Variants in LPAR4 observed in about 807,000 individuals in gnomAD.
The protein encoded by LPAR4 is lysophosphatidic acid receptor 4, also known as G-protein coupled receptor 23.
A neutral mutation model predicts 9.2 loss-of-function variants in LPAR4; 14 were observed. The observed-to-expected ratio is 1.51, with a 90% CI of 1.00 to 2.37. The LOEUF (loss-of-function observed/expected upper bound fraction) is 2.37. LPAR4 is among the 30% of genes most tolerant of loss of function. The pLI is 0.00. For synonymous variants in LPAR4, 131 were observed against 97.9 expected (o/e 1.34, Z -1.99); for missense variants, 251 against 272.1 (o/e 0.92, Z 0.55).
intron 4 of LPAR4, among the ~76,000 whole-genome samples, chrX:78,753,210 C>G (rs142575780): frequency 0.017 from 1,952 of 111,996 alleles, 72 homozygotes; most frequent in Admixed American, 0.11. Context: ...ATTTTTCCTT[C>G]TTCATTTCAT....
Position 78,755,530 on chromosome X carries a change from G to A in LPAR4, c.661G>A (p.Val221Ile). The A allele has an allele frequency of 8.3e-6, 10 of 1,207,021 alleles. No individual in the cohort carries two copies. The highest frequency in any genetic ancestry group is 1.1e-5 in the Non-Finnish European group (10 of 891,609). Residue 221 changes from valine (V) to isoleucine (I), a missense_variant, in exon 5 of 5, where the codon GTC becomes ATC. By Grantham distance (29) the Val-to-Ile change is conservative. Coordinates refer to ENST00000614823, the MANE Select transcript of LPAR4 (RefSeq NM_001278000.3). ...GTTTATCATTCCTCTAATATTGAAT[G>A]TCTCTTGCTCTTCTGTGGTGCTGAG... is the stretch of plus-strand genomic sequence containing the variant. The part of the protein sequence containing the change: ...VGFIIPLILN[V>I]SCSSVVLRTL...
chrX:78,754,254 T>C (rs1393291509), intron 4 of LPAR4, among the ~76,000 whole-genome samples: 1 of 111,368 alleles, frequency 9.0e-6, no homozygotes, highest in African/African-American at 3.3e-5. Context: ...ACTGGGGAGA[T>C]CTATTTGAAA....
rs1221015960 is a variant in LPAR4, at chrX:78,751,288, C to T, written c.-103C>T. 1 of 111,019 alleles carries T rather than the reference C, an allele frequency of 9.0e-6. No individual in the cohort carries two copies. Among genetic ancestry groups the T allele is most frequent in the Non-Finnish European group, 1.9e-5 (1 of 52,861 alleles). 9.1% of individuals were successfully genotyped at this position (111,019 alleles called of 1,213,427 possible). On this transcript the variant is annotated 5_prime_UTR_variant, in exon 4 of 5. Transcript: ENST00000614823. ...TTCCAGTCTTAGATAAAATTGGTGC[C>T]AGGATTTGGTTCGAACTAATGTGGT...
Position 78,757,032 on chromosome X carries a change from A to C in LPAR4, c.*1050A>C, listed in dbSNP as rs1408197250. 2 of 121,113 alleles carry C rather than the reference A, an allele frequency of 1.7e-5. No homozygotes were observed. The highest frequency in any genetic ancestry group is 3.8e-5 in the Non-Finnish European group (2 of 52,584). 10.0% of individuals were successfully genotyped at this position (121,113 alleles called of 1,213,427 possible). A position where few individuals can be genotyped will look rare whatever the true frequency, so the allele number is the denominator to read the frequency against. ...TCTTTCTTATCGAATTTTGGAGCCT[A>C]ATATAGCCAGGAGCTGCTGAATTTG... On this transcript the variant is annotated 3_prime_UTR_variant, in exon 5 of 5. Coordinates refer to ENST00000614823, the MANE Select transcript of LPAR4 (RefSeq NM_001278000.3).
chrX:78,750,344 C>T (rs1925004051), intron 2 of LPAR4, 121 bp downstream of exon 2: 1 of 110,994 alleles, frequency 9.0e-6, no homozygotes, highest in Admixed American at 9.6e-5. Flanking sequence ...TTTAGGCTAC[C>T]TCTGTTTAGA....
rs761827580 is a variant in LPAR4, at chrX:78,755,584, C to T, written c.715C>T (p.Gln239Ter). ...TCTTCGCAAGCCTGCTACTCTGTCT[C>T]AAATTGGGACCAATAAGAAAAAAGT... is the stretch of plus-strand genomic sequence containing the variant. ...RTLRKPATLSQIGTNKKKVLK... is the reference protein window; with the variant it reads ...RTLRKPATLS Residue 239 changes from glutamine (Q) to a stop codon, truncating the protein, a stop_gained, in exon 5 of 5, where the codon CAA becomes TAA. Coordinates refer to ENST00000614823, the MANE Select transcript of LPAR4 (RefSeq NM_001278000.3). LOFTEE classifies it high-confidence loss of function. 8.3e-7 allele frequency: 1 copy of T among 1,210,737 alleles called. No homozygotes were observed. Among genetic ancestry groups the T allele is most frequent in the Admixed American group, 2.2e-5 (1 of 45,929 alleles).
In LPAR4 at chrX:78,755,126, T is replaced by C; in HGVS notation, c.257T>C (p.Leu86Ser). 8.3e-7 allele frequency: 1 copy of C among 1,211,265 alleles called. No individual in the cohort carries two copies. The highest frequency in any genetic ancestry group is 1.1e-6 in the Non-Finnish European group (1 of 895,127). ...ATCACCAATCTAGCTGTCTCTGATT[T>C]GCTTTTTGTCTGTACACTACCTTTT... ...IFITNLAVSD[L>S]LFVCTLPFKI... The change falls in exon 5 of 5, where the codon TTG becomes TCG. Residue 86 changes from leucine to serine, a missense_variant. Coordinates refer to ENST00000614823, the MANE Select transcript of LPAR4 (RefSeq NM_001278000.3).
rs1408040509 is a variant in LPAR4, at chrX:78,758,427, A to G, written c.*2445A>G. ...TATGATTATGACACCAAACCATTTA[A>G]TGGGATATTAACTAAGTTGAAATAA... On this transcript the variant is annotated 3_prime_UTR_variant, in exon 5 of 5. Transcript: ENST00000614823. Among the ~76,000 whole-genome samples the G allele has an allele frequency of 1.8e-5, 2 of 111,598 alleles. No individual in the cohort carries two copies. Among genetic ancestry groups the G allele is most frequent in the African/African-American group, 6.5e-5 (2 of 30,834 alleles).
Position 78,755,074 on chromosome X carries a change from A to T in LPAR4, c.205A>T (p.Lys69Ter). 8.3e-7 allele frequency: 1 copy of T among 1,210,232 alleles called. No individual in the cohort carries two copies. The highest frequency in any genetic ancestry group is 1.1e-6 in the Non-Finnish European group (1 of 894,149). ...VSLFVFCFRMKMRSETAIFIT... is the reference protein window; with the variant it reads ...VSLFVFCFRM ...TCTGTTTGTCTTCTGTTTCCGCATG[A>T]AAATGAGAAGTGAGACTGCTATTTT... Residue 69 changes from lysine to a stop codon, truncating the protein, a stop_gained, in exon 5 of 5, where the codon AAA becomes TAA. Transcript: ENST00000614823. LOFTEE classifies it high-confidence loss of function.
At position 78,758,309 on chromosome X, in the gene LPAR4, T is replaced by G. The variant is rs763296814; in HGVS notation, c.*2327T>G. Among the ~76,000 whole-genome samples, 5 of 111,913 alleles carry G rather than the reference T, an allele frequency of 4.5e-5. No individual in the cohort carries two copies. In the South Asian group the frequency reaches 1.8e-3, roughly 41 times the overall value. On this transcript the variant is annotated 3_prime_UTR_variant, in exon 5 of 5. Coordinates refer to ENST00000614823, the MANE Select transcript of LPAR4 (RefSeq NM_001278000.3). ...AATAAAAGCGTGAATAATCTTTTGTTTCTTTCAGTATTCATGTTTTTCCAT... is the reference window on the plus strand; with the variant it reads ...AATAAAAGCGTGAATAATCTTTTGTGTCTTTCAGTATTCATGTTTTTCCAT...
At chrX:78,750,016 A>G (rs1924986863) in intron 1 of LPAR4, among the ~76,000 whole-genome samples, 158 bp from the exon 2 acceptor site, 1 of 111,662 alleles carries the variant, frequency 9.0e-6, no homozygotes, top group African/African-American at 3.2e-5. Flanking sequence ...AGTTATAAAA[A>G]CTTCTGGGTA....
intron 4 of LPAR4, among the ~76,000 whole-genome samples, chrX:78,752,299 A>G (rs1490760993): frequency 8.9e-6 from 1 of 112,078 alleles, no homozygotes; most frequent in African/African-American, 3.2e-5. Flanking sequence ...AAAAACTATT[A>G]TGAAGCATCA....
intron 1 of LPAR4, among the ~76,000 whole-genome samples, chrX:78,748,665 A>G (rs1345057875): frequency 8.9e-6 from 1 of 112,147 alleles, no homozygotes; most frequent in Non-Finnish European, 1.9e-5. Context: ...GAGTTGCTAA[A>G]TACAGTATTT....
intron 3 of LPAR4, among the ~76,000 whole-genome samples, 169 bp downstream of exon 3, chrX:78,750,961 T>TA (rs1049110411): frequency 2.7e-5 from 3 of 111,016 alleles, no homozygotes; most frequent in African/African-American, 6.5e-5. Context: ...TCAATACTAC[T>TA]AAAAAAATAT....
Position 78,754,865 on chromosome X carries a change from A to T in LPAR4, c.-5A>T, listed in dbSNP as rs889926993. ...CAGCCAGCAGGCCTCCTGAAAAAAA[A>T]GTCCATGGGTGACAGAAGATTCATT... On this transcript the variant is annotated 5_prime_UTR_variant, in exon 5 of 5. It adds an upstream start codon to the 5' untranslated region. Coordinates refer to ENST00000614823, the MANE Select transcript of LPAR4 (RefSeq NM_001278000.3). 76 of 1,175,265 alleles carry T rather than the reference A, an allele frequency of 6.5e-5. No homozygotes were observed. Among genetic ancestry groups the T allele is most frequent in the Non-Finnish European group, 7.9e-5 (69 of 878,628 alleles).
chrX:78,756,483 A>G lies in LPAR4; in HGVS notation c.*501A>G, dbSNP rs1925297615. 8.1e-6 allele frequency: 1 copy of G among 123,513 alleles called. No homozygotes were observed. Among genetic ancestry groups the G allele is most frequent in the Non-Finnish European group, 1.9e-5 (1 of 53,616 alleles). The allele number at this position is 123,513 out of a possible 1,213,427, so 10.2% of individuals were successfully genotyped here. A position where few individuals can be genotyped will look rare whatever the true frequency, so the allele number is the denominator to read the frequency against. On this transcript the variant is annotated 3_prime_UTR_variant, in exon 5 of 5. Transcript: ENST00000614823. ...ATAAGAAATGTGTCAAATTTTTAAC[A>G]TTGGTAAAATATGTTATGTGCATTT...
chrX:78,755,428 A>C lies in LPAR4; in HGVS notation c.559A>C (p.Thr187Pro), dbSNP rs1234231073. Residue 187 changes from threonine (T) to proline (P), a missense_variant, in exon 5 of 5, where the codon ACC (threonine) becomes CCC (proline). By Grantham distance (38) the Thr-to-Pro change is conservative. Transcript: ENST00000614823. ...STTNVNNATTTCFEGFSKRVW... is the reference protein window; with the variant it reads ...STTNVNNATTPCFEGFSKRVW... ...CACTAATGTCAACAATGCAACCACC[A>C]CCTGCTTTGAAGGCTTCTCCAAACG... 1 of 1,208,482 alleles carries C rather than the reference A, an allele frequency of 8.3e-7. No individual in the cohort carries two copies. The highest frequency in any genetic ancestry group is 2.2e-5 in the Admixed American group (1 of 45,835).
In LPAR4 at chrX:78,757,784, A is replaced by T. The variant is rs1158568796; in HGVS notation, c.*1802A>T. On this transcript the variant is annotated 3_prime_UTR_variant, in exon 5 of 5. Transcript: ENST00000614823. ...AAATGTGCATTAATCAATTTTTAAA[A>T]TATTTGGATAACATGGCAATTTAAA... is the stretch of plus-strand genomic sequence containing the variant. Among the ~76,000 whole-genome samples the T allele has an allele frequency of 8.9e-6, 1 of 112,058 alleles. No individual in the cohort carries two copies. The highest frequency in any genetic ancestry group is 3.2e-5 in the African/African-American group (1 of 30,923).
At position 78,755,171 on chromosome X, in the gene LPAR4, A is replaced by G; in HGVS notation, c.302A>G (p.Asn101Ser). 7 of 1,209,931 alleles carry G rather than the reference A, an allele frequency of 5.8e-6. No homozygotes were observed. The highest frequency in any genetic ancestry group is 1.8e-5 in the South Asian group (1 of 56,928). Reference sequence around the variant, plus strand: ...CCTTTTAAAATATTTTACAACTTCAACCGCCACTGGCCTTTTGGTGACACC... The same window carrying G: ...CCTTTTAAAATATTTTACAACTTCAGCCGCCACTGGCCTTTTGGTGACACC... ...TLPFKIFYNF[N>S]RHWPFGDTLC... Residue 101 changes from asparagine (N) to serine (S), a missense_variant, in exon 5 of 5, where the codon AAC becomes AGC. Physicochemically the swap from Asn to Ser is conservative, Grantham distance 46 (BLOSUM62 1). Transcript: ENST00000614823.
Sources: gnomAD v4.1 joint callset for allele counts (sites outside exome capture counted in the v4.1 genomes callset) on GRCh38, gnomAD v4.1.1 for gene constraint, MANE v1.5 for transcripts, NCBI Gene and HGNC (gene_info 2026-07-23, HGNC 2026-07-21) for gene names.